PHF20: variants seen among roughly 807,000 people sequenced by gnomAD.
PHF20 encodes the protein PHD finger protein 20.
Under a neutral mutation model 113.5 loss-of-function variants are expected in PHF20, and 23 were observed. The observed-to-expected ratio is 0.20, with a 90% confidence interval of 0.15 to 0.29. The LOEUF (loss-of-function observed/expected upper bound fraction) is 0.29. Among genes scored for constraint, PHF20 ranks in the 10% least tolerant of loss-of-function variants. PHF20 has a pLI of 1.00. For synonymous variants in PHF20, 434 were observed against 457.3 expected, an observed-to-expected ratio of 0.95 and a Z score of 0.65; for missense variants, 943 against 1,219.6, an observed-to-expected ratio of 0.77 and a Z score of 3.38.
At chr20:35,881,551 A>G (rs868331345) in intron 9 of PHF20, among the ~76,000 whole-genome samples, 14 of 151,658 alleles carry the variant, frequency 9.2e-5, no homozygotes, top group South Asian at 4.2e-4. Flanking sequence ...AAAAAAAAAA[A>G]AAAAAGAAAA....
Position 35,801,536 on chromosome 20 carries a change from C to T in PHF20, c.14C>T (p.Pro5Leu). Residue 5 changes from proline (P) to leucine (L), a missense_variant, in exon 2 of 18, where the codon CCA becomes CTA. By Grantham distance (98) the Pro-to-Leu change is moderately conservative. Around this residue, in one of 3 missense-constraint regions of PHF20, gnomAD observed 592 missense variants for 787.2 expected, o/e 0.75. Coordinates refer to ENST00000374012, the MANE Select transcript of PHF20 (RefSeq NM_016436.5). ...TGATGACTGAAAATGACAAAGCATC[C>T]ACCTAACAGACGAGGAATCAGCTTT... is the stretch of plus-strand genomic sequence containing the variant. MTKH[P>L]PNRRGISFEV... 6.2e-7 allele frequency: 1 copy of T among 1,613,196 alleles called. No individual in the cohort carries two copies. The highest frequency in any genetic ancestry group is 1.3e-5 in the African/African-American group (1 of 75,012).
chr20:35,944,146 A>G (rs1425275761), intron 17 of PHF20, among the ~76,000 whole-genome samples: 1 of 152,212 alleles, frequency 6.6e-6, no homozygotes, highest in African/African-American at 2.4e-5. Context: ...CATCTTTAAA[A>G]GAGACACTTG....
intron 1 of PHF20, among the ~76,000 whole-genome samples, chr20:35,800,703 G>A (rs1444542939): frequency 6.6e-6 from 1 of 152,062 alleles, no homozygotes; most frequent in African/African-American, 2.4e-5. Flanking sequence ...CCTGGGAGGT[G>A]GAGGATACGG....
chr20:35,897,341 T>G (rs1418559831), intron 9 of PHF20, among the ~76,000 whole-genome samples: 3 of 152,146 alleles, frequency 2.0e-5, no homozygotes, highest in Non-Finnish European at 2.9e-5. Context: ...TTTTACATAT[T>G]CATGTGGTAC....
chr20:35,897,511 C>T (rs1415367192), intron 9 of PHF20, among the ~76,000 whole-genome samples: 1 of 151,296 alleles, frequency 6.6e-6, no homozygotes, highest in African/African-American at 2.4e-5. Flanking sequence ...TTATAGTTCC[C>T]CCATAGTGCT....
intron 2 of PHF20, among the ~76,000 whole-genome samples, chr20:35,810,778 T>C (rs766265283): frequency 6.6e-5 from 10 of 152,204 alleles, no homozygotes; most frequent in Non-Finnish European, 1.2e-4. Context: ...TTCACCTGAT[T>C]TCCTAATCTA....
At chr20:35,927,285 A>T (rs1404717854) in intron 13 of PHF20, among the ~76,000 whole-genome samples, 1 of 152,230 alleles carries the variant, frequency 6.6e-6, no homozygotes, top group Non-Finnish European at 1.5e-5. Flanking sequence ...TGGTTTGCTC[A>T]TTAGTGGTTA....
At chr20:35,941,354 T>G (rs933836633) in intron 17 of PHF20, among the ~76,000 whole-genome samples, 1 of 152,234 alleles carries the variant, frequency 6.6e-6, no homozygotes, top group African/African-American at 2.4e-5. Context: ...TCTAAGCCAA[T>G]CTTTACAAAC....
intron 10 of PHF20, among the ~76,000 whole-genome samples, chr20:35,904,883 T>C (rs1176216492): frequency 1.3e-5 from 2 of 151,824 alleles, no homozygotes; most frequent in African/African-American, 4.8e-5. Context: ...TGGAGTGCAA[T>C]AGTGCGATCT....
chr20:35,793,995 CAAAAAAAAAAAAAA>C (rs56189104), intron 1 of PHF20, among the ~76,000 whole-genome samples: 1 of 33,836 alleles, frequency 3.0e-5, no homozygotes. Context: ...GACTCTGTCT[CAAAAAAAAAAAAAA>C]AAAAAAAAGG....
chr20:35,889,652 T>C (rs1054628784), intron 9 of PHF20, among the ~76,000 whole-genome samples: 4 of 151,276 alleles, frequency 2.6e-5, no homozygotes, highest in Non-Finnish European at 5.9e-5. Context: ...CATGAGCCAC[T>C]GTGCTTGGCC....
intron 10 of PHF20, among the ~76,000 whole-genome samples, chr20:35,904,938 G>C (rs1246183417): frequency 6.6e-6 from 1 of 151,944 alleles, no homozygotes; most frequent in African/African-American, 2.4e-5. Flanking sequence ...TGATTCTCCT[G>C]CCTCAGCCTC....
At chr20:35,809,218 A>T (rs954546517) in intron 2 of PHF20, among the ~76,000 whole-genome samples, 2 of 151,718 alleles carry the variant, frequency 1.3e-5, no homozygotes, top group Non-Finnish European at 2.9e-5. Context: ...ATTGTACTCC[A>T]GCCTGGGCGA....
intron 13 of PHF20, 135 bp from the exon 14 acceptor site, chr20:35,927,645 G>A (rs181483045): frequency 5.5e-5 from 38 of 694,972 alleles, no homozygotes; most frequent in East Asian, 3.9e-4. Flanking sequence ...TCAGTTCCAC[G>A]TTAGTCAGGA....
At position 35,947,587 on chromosome 20, in the gene PHF20, T is replaced by C. The variant is rs1191020678; in HGVS notation, c.2999T>C (p.Leu1000Pro). The C allele has an allele frequency of 6.2e-7, 1 of 1,613,960 alleles. No individual in the cohort carries two copies. Among genetic ancestry groups the C allele is most frequent in the African/African-American group, 1.3e-5 (1 of 74,910 alleles). ...TGTATCAAGCAGCTGCTGATGGACC[T>C]GGGCAAGGTGCAGCAGATCGCCCTC... is the stretch of plus-strand genomic sequence containing the variant. ...KHCIKQLLMD[L>P]GKVQQIALCC... The change falls in exon 18 of 18, where the codon CTG becomes CCG. Residue 1000 changes from leucine to proline, a missense_variant. Around this residue, in one of 3 missense-constraint regions of PHF20, gnomAD observed 349 missense variants for 412.3 expected, o/e 0.85. Transcript: ENST00000374012.
At chr20:35,796,376 T>C (rs555377465) in intron 1 of PHF20, among the ~76,000 whole-genome samples, 1 of 152,310 alleles carries the variant, frequency 6.6e-6, no homozygotes, top group South Asian at 2.1e-4. Flanking sequence ...GCCCAGAATC[T>C]TATGTAAAGA....
intron 9 of PHF20, among the ~76,000 whole-genome samples, chr20:35,885,275 T>TA (rs1407108656): frequency 4.6e-5 from 7 of 152,126 alleles, no homozygotes; most frequent in Non-Finnish European, 8.8e-5. Flanking sequence ...CAACACCTTT[T>TA]AAAAACTTTG....
intron 15 of PHF20, among the ~76,000 whole-genome samples, chr20:35,934,067 T>C (rs777235741): frequency 2.6e-5 from 4 of 152,248 alleles, no homozygotes; most frequent in African/African-American, 4.8e-5. Context: ...TTGTAAACAG[T>C]GGCAGACTAG....
chr20:35,882,101 C>A (rs1305555796), intron 9 of PHF20, among the ~76,000 whole-genome samples: 1 of 152,120 alleles, frequency 6.6e-6, no homozygotes. Context: ...TAAATGTGTT[C>A]ATTGCTTATT....
Sources: allele counts gnomAD v4.1 joint callset (sites outside exome capture counted in the v4.1 genomes callset), GRCh38; gene constraint gnomAD v4.1.1; regional missense constraint gnomAD v4.1.1; transcripts MANE v1.5; gene names NCBI Gene and HGNC (gene_info 2026-07-23, HGNC 2026-07-21).